PSPC1: variants seen among roughly 807,000 people sequenced by gnomAD.
PSPC1 encodes paraspeckle component 1, also known as paraspeckle protein 1.
Under a neutral mutation model 51.6 loss-of-function variants are expected in PSPC1, and 14 were observed. The observed-to-expected ratio is 0.27, with a 90% confidence interval of 0.18 to 0.42. The LOEUF is 0.42. Ranked by LOEUF, PSPC1 falls within the 10% of genes least tolerant of loss-of-function variation. PSPC1 has a pLI of 1.00. For synonymous variants in PSPC1, 193 were observed against 231.9 expected, an observed-to-expected ratio of 0.83 and a Z score of 1.53; for missense variants, 406 against 701.1, an observed-to-expected ratio of 0.58 and a Z score of 4.75.
intron 1 of PSPC1, among the ~76,000 whole-genome samples, chr13:19,776,516 AAT>A (rs1491448502): frequency 6.6e-6 from 1 of 151,254 alleles, no homozygotes; most frequent in East Asian, 1.9e-4. Context: ...ACTATATGCA[AAT>A]TTTTTTTTTT....
intron 2 of PSPC1, among the ~76,000 whole-genome samples, chr13:19,763,219 G>T (rs1272989986): frequency 6.6e-6 from 1 of 151,980 alleles, no homozygotes; most frequent in Non-Finnish European, 1.5e-5. Context: ...GCAGTGGGGC[G>T]ATCACAGCTC....
intron 8 of PSPC1, among the ~76,000 whole-genome samples, chr13:19,703,911 TC>T (rs1343637190): frequency 5.3e-5 from 8 of 152,336 alleles, no homozygotes; most frequent in African/African-American, 1.9e-4. Flanking sequence ...TGAAAGATTA[TC>T]ATGGGAAAAT....
chr13:19,703,765 GC>G (rs1288947416), intron 8 of PSPC1, among the ~76,000 whole-genome samples: 1 of 152,004 alleles, frequency 6.6e-6, no homozygotes, highest in African/African-American at 2.4e-5. Context: ...CTGGGGAGCA[GC>G]ATCAATTCGG....
At chr13:19,694,116 C>G (rs1878903631) in intron 6 of PSPC1, among the ~76,000 whole-genome samples, 1 of 86,322 alleles carries the variant, frequency 1.2e-5, no homozygotes, top group Non-Finnish European at 2.1e-5. Context: ...GAGCGAGACT[C>G]CATCTCAAAA....
exon 8 of PSPC1, chr13:19,674,930 A>G (rs1445954280): frequency 6.6e-6 from 1 of 152,162 alleles, no homozygotes; most frequent in Non-Finnish European, 1.5e-5. Flanking sequence ...CAAAGTTGGG[A>G]TTTCTAGACG....
At chr13:19,706,771 C>T (rs1189195302) in intron 7 of PSPC1, among the ~76,000 whole-genome samples, 2 of 152,096 alleles carry the variant, frequency 1.3e-5, no homozygotes, top group African/African-American at 2.4e-5. Context: ...TATTTCATTA[C>T]ATAGGTCAAT....
chr13:19,719,312 C>A (rs942109209), intron 6 of PSPC1, among the ~76,000 whole-genome samples: 2 of 151,992 alleles, frequency 1.3e-5, no homozygotes, highest in Non-Finnish European at 2.9e-5. Flanking sequence ...AAAATGAATC[C>A]TTTTGAATAA....
intron 6 of PSPC1, among the ~76,000 whole-genome samples, chr13:19,711,646 A>AG (rs57625103): frequency 5.8e-4 from 73 of 125,480 alleles, no homozygotes; most frequent in Middle Eastern, 4.4e-3. Context: ...TCATAAAAAA[A>AG]AAAAAAAAAA....
chr13:19,683,823 T>C (rs537412714), intron 6 of PSPC1, among the ~76,000 whole-genome samples: 1 of 152,116 alleles, frequency 6.6e-6, no homozygotes, highest in Non-Finnish European at 1.5e-5. Flanking sequence ...AGGAAAAAAA[T>C]ATATATGTAT....
At position 19,773,745 on chromosome 13, in the gene PSPC1, A is replaced by G. The variant is rs528509701; in HGVS notation, c.373-1202T>C. Among the ~76,000 whole-genome samples the G allele has an allele frequency of 9.2e-5, 14 of 151,992 alleles. No individual in the cohort carries two copies. The South Asian group carries it at 2.9e-3, about 32-fold the overall frequency. Reference sequence around the variant, plus strand: ...ACAATCATAGCTTACTGCAGCCTCAAACTTTGGGGCTCAAGGGATCTTCCT... The same window carrying G: ...ACAATCATAGCTTACTGCAGCCTCAGACTTTGGGGCTCAAGGGATCTTCCT... On this transcript the variant is annotated intron_variant, in intron 1 of 8. Coordinates refer to ENST00000338910, the MANE Select transcript of PSPC1 (RefSeq NM_001354909.2).
intron 5 of PSPC1, among the ~76,000 whole-genome samples, chr13:19,733,778 G>GAAAAA (rs66861600): frequency 3.6e-4 from 50 of 138,536 alleles, no homozygotes; most frequent in Non-Finnish European, 6.4e-4. Flanking sequence ...CAAGAAAAAA[G>GAAAAA]AAAAAAAAAT....
rs1887396208 is a variant in PSPC1, at chr13:19,759,331, T to C, written c.762A>G (p.Gln254=). The C allele has an allele frequency of 1.2e-6, 2 of 1,611,980 alleles. No homozygotes were observed. The highest frequency in any genetic ancestry group is 8.5e-7 in the Non-Finnish European group (1 of 1,178,046). Residue 254 remains glutamine, a synonymous_variant, in exon 3 of 9, where the codon CAA becomes CAG. Transcript: ENST00000338910. ...TATTAATAAAATCTTACTTATGATA[T>C]TGTTGAGTTTTCTGCATCAGCTTCT... ...LPEKLMQKTQ[Q]YHKEREQPPR...
At chr13:19,683,849 C>A (rs1385946395) in intron 6 of PSPC1, among the ~76,000 whole-genome samples, 2 of 151,974 alleles carry the variant, frequency 1.3e-5, no homozygotes, top group African/African-American at 2.4e-5. Context: ...CCATCTTTTC[C>A]TCTTAAGATT....
chr13:19,723,418 C>T (rs1201037472), intron 6 of PSPC1, among the ~76,000 whole-genome samples: 1 of 152,122 alleles, frequency 6.6e-6, no homozygotes, highest in Admixed American at 6.6e-5. Context: ...AAAACCATTA[C>T]TAATAATCAT....
At chr13:19,691,681 G>A (rs983461716) in intron 6 of PSPC1, among the ~76,000 whole-genome samples, 11 of 152,270 alleles carry the variant, frequency 7.2e-5, no homozygotes, top group African/African-American at 2.6e-4. Flanking sequence ...CACTTTGGGA[G>A]GCCGAGGTAG....
chr13:19,754,230 T>G (rs1462356374), intron 3 of PSPC1, among the ~76,000 whole-genome samples: 1 of 148,388 alleles, frequency 6.7e-6, no homozygotes, highest in African/African-American at 2.5e-5. Flanking sequence ...GATTACAGGC[T>G]CCTGCCACCA....
At chr13:19,702,201 T>A (rs530160350), downstream of PSPC1, among the ~76,000 whole-genome samples, 1 of 152,126 alleles carries the variant, frequency 6.6e-6, no homozygotes, top group South Asian at 2.1e-4. Context: ...ATCAGACACG[T>A]TTTACTGGAG....
intron 6 of PSPC1, among the ~76,000 whole-genome samples, chr13:19,687,421 T>C (rs1878034993): frequency 1.3e-5 from 2 of 152,146 alleles, no homozygotes; most frequent in Admixed American, 6.5e-5. Flanking sequence ...CTAACCTATA[T>C]ACATTTGACA....
At chr13:19,754,682 CA>C (rs1216280875) in intron 3 of PSPC1, among the ~76,000 whole-genome samples, 1 of 152,050 alleles carries the variant, frequency 6.6e-6, no homozygotes, top group Non-Finnish European at 1.5e-5. Flanking sequence ...TCAGGTGATC[CA>C]CCCACCTCGG....
Sources: allele counts gnomAD v4.1 joint callset (sites outside exome capture counted in the v4.1 genomes callset), GRCh38; gene constraint gnomAD v4.1.1; transcripts MANE v1.5; gene names NCBI Gene and HGNC (gene_info 2026-07-23, HGNC 2026-07-21).